Variants in MAGI2 observed in about 807,000 individuals in gnomAD.
The protein encoded by MAGI2 is membrane associated guanylate kinase, WW and PDZ domain containing 2.
Under a neutral mutation model 133.3 loss-of-function variants are expected in MAGI2, and 35 were observed. The observed-to-expected ratio is 0.26, with a 90% CI of 0.20 to 0.35. The LOEUF (loss-of-function observed/expected upper bound fraction) is 0.35. Ranked by LOEUF, MAGI2 falls within the 10% of genes least tolerant of loss-of-function variation. The pLI, the probability that MAGI2 is intolerant of heterozygous loss-of-function variation, is 1.00. For synonymous variants in MAGI2, 729 were observed against 710.6 expected (o/e 1.03, Z -0.41); for missense variants, 1,636 against 1,863.4 (o/e 0.88, Z 2.25).
chr7:79,161,285 T>A (rs1248880020), intron 1 of MAGI2, among the ~76,000 whole-genome samples: 2 of 152,126 alleles, frequency 1.3e-5, no homozygotes, highest in South Asian at 2.1e-4. Context: ...CTAGTAAAAT[T>A]GCCTGAGCCC....
intron 1 of MAGI2, among the ~76,000 whole-genome samples, chr7:79,296,718 G>A (rs1836958554): frequency 1.3e-5 from 2 of 152,134 alleles, no homozygotes; most frequent in African/African-American, 4.8e-5. Flanking sequence ...GGTTGTCAGA[G>A]GCTGGTTAGT....
rs141202760 is a variant in MAGI2, at chr7:79,041,077, C to G, written c.302-33871G>C. On this transcript the variant is annotated intron_variant, in intron 1 of 21. Transcript: ENST00000354212. The stretch of plus-strand genomic sequence containing the variant: ...ATCATTACACATTCTACACATGTAT[C>G]AAAATATCAAAATATGTATCAAAAT... Among the ~76,000 whole-genome samples, 238 of 152,196 alleles carry G rather than the reference C, an allele frequency of 1.6e-3. 1 individual carries two copies. Among genetic ancestry groups the G allele is most frequent in the Non-Finnish European group, 2.5e-3 (168 of 67,996 alleles).
chr7:78,476,943 TGCATA>T (rs1048363518), intron 6 of MAGI2, among the ~76,000 whole-genome samples: 1 of 151,964 alleles, frequency 6.6e-6, no homozygotes, highest in Admixed American at 6.6e-5. Context: ...TGTTTTATGA[TGCATA>T]GCATTTAGGA....
chr7:78,249,331 C>T (rs1050923008), intron 10 of MAGI2, among the ~76,000 whole-genome samples: 3 of 152,040 alleles, frequency 2.0e-5, no homozygotes, highest in African/African-American at 7.2e-5. Flanking sequence ...AAAAATAGAA[C>T]TACTACATGA....
chr7:78,078,615 A>G, intron 21 of MAGI2: 1 of 454,214 alleles, frequency 2.2e-6, no homozygotes, highest in Non-Finnish European at 3.8e-6. Flanking sequence ...ACAGTGGACT[A>G]TCAGTCAAAT....
At chr7:78,799,548 G>T (rs1296040806) in intron 2 of MAGI2, among the ~76,000 whole-genome samples, 1 of 152,078 alleles carries the variant, frequency 6.6e-6, no homozygotes, top group Non-Finnish European at 1.5e-5. Context: ...AATCCATGTG[G>T]CCAAGGATAT....
chr7:78,223,764 G>A (rs1356671608), intron 10 of MAGI2, among the ~76,000 whole-genome samples: 1 of 151,886 alleles, frequency 6.6e-6, no homozygotes, highest in Non-Finnish European at 1.5e-5. Context: ...CAGATTTATG[G>A]TATAAAAGCT....
chr7:78,112,032 C>T (rs1416283258), intron 20 of MAGI2, among the ~76,000 whole-genome samples: 2 of 152,164 alleles, frequency 1.3e-5, no homozygotes, highest in Admixed American at 1.3e-4. Flanking sequence ...TGTTATCTCT[C>T]TTCTCTCATG....
At chr7:79,219,030 T>G (rs368439557) in intron 1 of MAGI2, among the ~76,000 whole-genome samples, 12 of 152,066 alleles carry the variant, frequency 7.9e-5, no homozygotes, top group African/African-American at 2.7e-4. Context: ...TTGCCTTGTA[T>G]TTGCATGCAA....
chr7:79,386,501 A>T (rs976757200), intron 1 of MAGI2, among the ~76,000 whole-genome samples: 2 of 152,096 alleles, frequency 1.3e-5, no homozygotes, highest in Non-Finnish European at 2.9e-5. Flanking sequence ...ACTAAAAAAA[A>T]GAATATTGAT....
At chr7:78,943,184 A>T (rs1413012771) in intron 2 of MAGI2, among the ~76,000 whole-genome samples, 1 of 152,130 alleles carries the variant, frequency 6.6e-6, no homozygotes, top group African/African-American at 2.4e-5. Context: ...TGCAAACAGT[A>T]AAGTACTTTA....
chr7:79,391,455 G>GA (rs1554469481), intron 1 of MAGI2, among the ~76,000 whole-genome samples: 2 of 128,748 alleles, frequency 1.6e-5, no homozygotes, highest in Admixed American at 1.7e-4. Flanking sequence ...TTAAAAGAAG[G>GA]AAAAAATGTA....
chr7:79,202,589 C>T (rs1828710162), intron 1 of MAGI2, among the ~76,000 whole-genome samples: 1 of 151,876 alleles, frequency 6.6e-6, no homozygotes, highest in Admixed American at 6.6e-5. Context: ...CTGTTTCATA[C>T]ATTATTTAAT....
At chr7:78,422,410 T>C (rs960644603) in intron 6 of MAGI2, among the ~76,000 whole-genome samples, 1 of 152,220 alleles carries the variant, frequency 6.6e-6, no homozygotes, top group South Asian at 2.1e-4. Flanking sequence ...CCTGATGTTT[T>C]AGAAAATATA....
At chr7:78,571,033 T>C (rs535893182) in intron 3 of MAGI2, among the ~76,000 whole-genome samples, 1 of 152,338 alleles carries the variant, frequency 6.6e-6, no homozygotes, top group African/African-American at 2.4e-5. Flanking sequence ...CAAGTTTTTA[T>C]CATATATTCA....
At chr7:78,999,602 A>C (rs1044161651) in intron 2 of MAGI2, among the ~76,000 whole-genome samples, 1 of 152,186 alleles carries the variant, frequency 6.6e-6, no homozygotes, top group Non-Finnish European at 1.5e-5. Flanking sequence ...GGTAAACCTA[A>C]TATAGCTTTC....
At chr7:78,135,295 A>C (rs1318702300) in intron 16 of MAGI2, 89 bp from the exon 17 acceptor site, 16 of 1,093,788 alleles carry the variant, frequency 1.5e-5, no homozygotes. Context: ...ATGAAATGTC[A>C]GAATTCCTTC....
chr7:78,570,956 C>T (rs765671865), intron 3 of MAGI2, among the ~76,000 whole-genome samples: 14 of 152,104 alleles, frequency 9.2e-5, no homozygotes, highest in Non-Finnish European at 1.9e-4. Flanking sequence ...AGTGAGTATT[C>T]TGAGGCTGGA....
intron 10 of MAGI2, chr7:78,255,457 A>C (rs1792869394): frequency 4.4e-6 from 1 of 226,432 alleles, no homozygotes; most frequent in African/African-American, 2.4e-5. Context: ...CAGCTCTCAC[A>C]GTTCATGGTC....
Sources: gnomAD v4.1 joint callset for allele counts (sites outside exome capture counted in the v4.1 genomes callset) on GRCh38, gnomAD v4.1.1 for gene constraint, MANE v1.5 for transcripts, NCBI Gene and HGNC (gene_info 2026-07-23, HGNC 2026-07-21) for gene names.